Variants in SUGCT observed in about 807,000 individuals in gnomAD.
SUGCT encodes the protein succinyl-CoA:glutarate-CoA transferase.
In SUGCT, 41 loss-of-function variants were observed where a neutral mutation model predicts 55.0. The ratio of observed to expected loss-of-function variants is 0.74; its 90% confidence interval spans 0.58 to 0.97. SUGCT has a LOEUF of 0.97. Ranked by LOEUF, SUGCT falls within the 50% of genes least tolerant of loss-of-function variation. SUGCT has a pLI of 0.00. For missense variants in SUGCT, 568 were observed against 547.8 expected (o/e 1.04, Z -0.37); for synonymous variants, 187 against 200.4 (o/e 0.93, Z 0.56).
chr7:40,917,147 C>T, the SUGCT span, among the ~76,000 whole-genome samples: 2 of 152,220 alleles, frequency 1.3e-5, no homozygotes, highest in Non-Finnish European at 2.9e-5. Flanking sequence ...GGTTGAGAAG[C>T]ATTAGCTCCC....
rs34330194 is a variant in SUGCT at position 40,860,416 on chromosome 7, C to T, written c.1254C>T (p.Tyr418=). 9.8e-4 allele frequency: 1,585 copies of T among 1,613,952 alleles called. 18 individuals are homozygous for T. The Middle Eastern group carries it at 0.012, about 12-fold the overall frequency. The part of the protein sequence containing the change: ...TTHILKEVLR[Y]DDRAIGELLS... ...ACATCCTGAAGGAGGTCCTGAGATA[C>T]GATGACAGGGCCATCGGGGAGCTGC... is the stretch of plus-strand genomic sequence containing the variant. The change falls in exon 14 of 14, where the codon TAC becomes TAT. Residue 418 remains tyrosine, a synonymous_variant. Coordinates refer to ENST00000335693, the MANE Select transcript of SUGCT (RefSeq NM_001193313.2).
intron 12 of SUGCT, among the ~76,000 whole-genome samples, chr7:40,626,265 T>C (rs1180004323): frequency 1.3e-5 from 2 of 150,738 alleles, no homozygotes; most frequent in East Asian, 1.9e-4. Flanking sequence ...TTTTCTCTCT[T>C]TTTTTTTTGG....
intron 13 of SUGCT, among the ~76,000 whole-genome samples, chr7:40,852,176 A>G (rs1206451871): frequency 6.6e-6 from 1 of 152,166 alleles, no homozygotes; most frequent in African/African-American, 2.4e-5. Flanking sequence ...CAATCCATTC[A>G]ATCTTCCCTA....
chr7:40,847,631 G>A (rs774822317), intron 13 of SUGCT, among the ~76,000 whole-genome samples: 1 of 151,858 alleles, frequency 6.6e-6, no homozygotes, highest in Non-Finnish European at 1.5e-5. Flanking sequence ...TGGCCAGGCT[G>A]GTTTCAAACT....
the SUGCT span, among the ~76,000 whole-genome samples, chr7:41,003,276 A>C: frequency 6.6e-6 from 1 of 152,182 alleles, no homozygotes; most frequent in Non-Finnish European, 1.5e-5. Context: ...ATTTACCTTC[A>C]GATTTAACTC....
chr7:40,791,371 A>G (rs993822589), intron 13 of SUGCT, among the ~76,000 whole-genome samples: 1 of 152,228 alleles, frequency 6.6e-6, no homozygotes, highest in African/African-American at 2.4e-5. Flanking sequence ...TTTAAAATCA[A>G]AGAATGTTTT....
At chr7:40,448,432 C>T (rs1327515161) in intron 9 of SUGCT, among the ~76,000 whole-genome samples, 1 of 151,956 alleles carries the variant, frequency 6.6e-6, no homozygotes, top group Non-Finnish European at 1.5e-5. Flanking sequence ...TTATTTTGTA[C>T]ATTATAATGG....
intron 12 of SUGCT, among the ~76,000 whole-genome samples, chr7:40,620,847 A>G (rs1584143842): frequency 6.6e-6 from 1 of 152,324 alleles, no homozygotes; most frequent in Middle Eastern, 3.4e-3. Context: ...GCTAAATAGC[A>G]AGAGGAACAA....
chr7:40,825,449 C>A (rs1436847245), intron 13 of SUGCT, among the ~76,000 whole-genome samples: 1 of 152,110 alleles, frequency 6.6e-6, no homozygotes, highest in East Asian at 1.9e-4. Flanking sequence ...AATGAAGAAC[C>A]TTTTTAGGGT....
intron 12 of SUGCT, among the ~76,000 whole-genome samples, chr7:40,500,585 T>C (rs1323279821): frequency 6.6e-6 from 1 of 152,182 alleles, no homozygotes; most frequent in African/African-American, 2.4e-5. Flanking sequence ...AGCAAATCTT[T>C]TGTATGGGAT....
At chr7:40,280,639 T>C (rs558277310) in intron 8 of SUGCT, among the ~76,000 whole-genome samples, 2 of 152,360 alleles carry the variant, frequency 1.3e-5, no homozygotes, top group South Asian at 2.1e-4. Context: ...TTAATTCTTA[T>C]CATTTTGACT....
chr7:40,247,230 A>G (rs1789946778), intron 7 of SUGCT, among the ~76,000 whole-genome samples: 1 of 152,076 alleles, frequency 6.6e-6, no homozygotes. Flanking sequence ...TGAGAGTTTT[A>G]ATTATCTGCA....
At chr7:40,195,411 C>T (rs376006420) in intron 6 of SUGCT, among the ~76,000 whole-genome samples, 92 of 150,638 alleles carry the variant, frequency 6.1e-4, no homozygotes, top group Middle Eastern at 3.4e-3. Flanking sequence ...TTAGTAGAGA[C>T]GGGGTTTCAC....
intron 9 of SUGCT, among the ~76,000 whole-genome samples, chr7:40,392,948 C>T (rs1479462549): frequency 6.6e-6 from 1 of 152,146 alleles, no homozygotes; most frequent in Non-Finnish European, 1.5e-5. Flanking sequence ...CCAATTAAGA[C>T]AGTGAAATGC....
chr7:40,375,764 G>A (rs1256707257), intron 9 of SUGCT, among the ~76,000 whole-genome samples: 1 of 152,126 alleles, frequency 6.6e-6, no homozygotes, highest in Non-Finnish European at 1.5e-5. Flanking sequence ...TATAAATTAT[G>A]TTTACAGTAA....
Position 40,153,495 on chromosome 7 carries a change from C to T in SUGCT, c.100+18375C>T, listed in dbSNP as rs537118239. On this transcript the variant is annotated intron_variant, in intron 1 of 13. Transcript: ENST00000335693. ...GACTAAAGCGAGTCTCCACTGAAGACGTATCACACATTTTGGACCTATGAC... is the reference window on the plus strand; with the variant it reads ...GACTAAAGCGAGTCTCCACTGAAGATGTATCACACATTTTGGACCTATGAC... The T allele has an allele frequency of 4.8e-4, 176 of 368,196 alleles. 2 individuals carry two copies. Among genetic ancestry groups the T allele is most frequent in the South Asian group, 4.1e-3 (171 of 41,672 alleles). 22.8% of individuals were successfully genotyped at this position (368,196 alleles called of 1,614,324 possible).
chr7:40,249,319 A>ATCTATATATATATATCTATCTATC (rs1562612016), intron 7 of SUGCT, among the ~76,000 whole-genome samples: 1 of 39,762 alleles, frequency 2.5e-5, no homozygotes, highest in Non-Finnish European at 6.4e-5. Context: ...AAAGCTATAT[A>ATCTATATATATATATCTATCTATC]TATATATATA....
At chr7:40,687,957 G>C (rs1298233786) in intron 12 of SUGCT, among the ~76,000 whole-genome samples, 1 of 152,030 alleles carries the variant, frequency 6.6e-6, no homozygotes, top group African/African-American at 2.4e-5. Context: ...GAATTACAGG[G>C]CCCCCCAATA....
chr7:40,207,908 A>T (rs752865602), intron 6 of SUGCT, among the ~76,000 whole-genome samples: 68 of 152,228 alleles, frequency 4.5e-4, no homozygotes, highest in Non-Finnish European at 4.7e-4. Flanking sequence ...ACGCATTTTC[A>T]TAGCAGCATT....
Sources: allele counts gnomAD v4.1 joint callset (sites outside exome capture counted in the v4.1 genomes callset), GRCh38; gene constraint gnomAD v4.1.1; transcripts MANE v1.5; gene names NCBI Gene and HGNC (gene_info 2026-07-23, HGNC 2026-07-21).